KCNT2: variants seen among roughly 807,000 people sequenced by gnomAD.
The protein encoded by KCNT2 is potassium sodium-activated channel subfamily T member 2, also known as potassium channel subfamily T member 2.
Under a neutral mutation model 153.8 loss-of-function variants are expected in KCNT2, and 67 were observed. The ratio of observed to expected loss-of-function variants is 0.44; its 90% CI spans 0.36 to 0.53. The LOEUF (loss-of-function observed/expected upper bound fraction) is 0.53. KCNT2 is among the 20% of genes least tolerant of loss of function. The pLI is 0.00. For synonymous variants in KCNT2, 500 were observed against 458.8 expected (o/e 1.09, Z -1.15); for missense variants, 975 against 1,354.8 (o/e 0.72, Z 4.40).
chr1:196,369,343 AC>A (rs1305960158), intron 14 of KCNT2, among the ~76,000 whole-genome samples: 2 of 151,810 alleles, frequency 1.3e-5, no homozygotes, highest in African/African-American at 4.8e-5. Flanking sequence ...TTATTATTAT[AC>A]TTTAAGTTTT....
intron 1 of KCNT2, among the ~76,000 whole-genome samples, chr1:196,520,921 T>A (rs1160917335): frequency 1.3e-5 from 2 of 152,016 alleles, no homozygotes; most frequent in African/African-American, 2.4e-5. Context: ...CCAAAAGCAA[T>A]CACAACAAAA....
At chr1:196,262,754 C>T (rs1657146555) in intron 25 of KCNT2, among the ~76,000 whole-genome samples, 1 of 151,854 alleles carries the variant, frequency 6.6e-6, no homozygotes, top group South Asian at 2.1e-4. Flanking sequence ...GATGCATTTC[C>T]AAATTAATTT....
At chr1:196,501,353 A>G (rs573508109) in intron 1 of KCNT2, among the ~76,000 whole-genome samples, 38 of 152,336 alleles carry the variant, frequency 2.5e-4, no homozygotes, top group African/African-American at 8.4e-4. Context: ...TGGGGTAGAT[A>G]TAGATACACA....
chr1:196,380,618 C>T lies in KCNT2; in HGVS notation c.1295-7370G>A, dbSNP rs1194920929. 2.0e-5 allele frequency among the ~76,000 whole-genome samples: 3 copies of T among 152,046 alleles called. No individual in the cohort carries two copies. In the East Asian group the frequency reaches 5.8e-4, roughly 29 times the overall value. Reference sequence around the variant, plus strand: ...AAATCAAATATCCTTTGGAAAATGGCTTTTAAATAGAAAAACGAACCAGGG... The same window carrying T: ...AAATCAAATATCCTTTGGAAAATGGTTTTTAAATAGAAAAACGAACCAGGG... On this transcript the variant is annotated intron_variant, in intron 13 of 27. Coordinates refer to ENST00000294725, the MANE Select transcript of KCNT2 (RefSeq NM_198503.5).
intron 21 of KCNT2, among the ~76,000 whole-genome samples, chr1:196,312,368 T>C (rs1662270060): frequency 6.6e-6 from 1 of 151,560 alleles, no homozygotes; most frequent in Non-Finnish European, 1.5e-5. Flanking sequence ...TTTAAAGGCC[T>C]ACTAAGAGTG....
chr1:196,313,293 A>T (rs771565715), intron 21 of KCNT2, among the ~76,000 whole-genome samples: 9 of 151,686 alleles, frequency 5.9e-5, no homozygotes, highest in Non-Finnish European at 1.2e-4. Flanking sequence ...GTTGAATGCT[A>T]GAAACTGAGA....
At chr1:196,356,347 C>T (rs1230562724) in intron 14 of KCNT2, among the ~76,000 whole-genome samples, 6 of 151,662 alleles carry the variant, frequency 4.0e-5, no homozygotes, top group African/African-American at 1.5e-4. Context: ...TTTGTGATCA[C>T]AATGTATTCA....
chr1:196,242,649 T>C (rs1655061165), intron 26 of KCNT2, among the ~76,000 whole-genome samples: 1 of 152,180 alleles, frequency 6.6e-6, no homozygotes, highest in South Asian at 2.1e-4. Context: ...CATTCAGTAA[T>C]GATAACAGCA....
intron 1 of KCNT2, among the ~76,000 whole-genome samples, chr1:196,510,858 A>G (rs1681554820): frequency 6.6e-6 from 1 of 152,194 alleles, no homozygotes; most frequent in African/African-American, 2.4e-5. Context: ...ATCCAACCAG[A>G]GGCATTAGCA....
intron 23 of KCNT2, among the ~76,000 whole-genome samples, chr1:196,284,865 A>G (rs959003731): frequency 6.6e-6 from 1 of 152,222 alleles, no homozygotes; most frequent in African/African-American, 2.4e-5. Flanking sequence ...TCAGTCAAGC[A>G]ATTATAGAAG....
chr1:196,549,609 G>A (rs1657620134), intron 1 of KCNT2, among the ~76,000 whole-genome samples: 1 of 151,806 alleles, frequency 6.6e-6, no homozygotes, highest in Admixed American at 6.6e-5. Context: ...ATCAGAATCT[G>A]TTGGAGTGTT....
At chr1:196,493,357 G>GC (rs973796548) in intron 1 of KCNT2, among the ~76,000 whole-genome samples, 1 of 148,594 alleles carries the variant, frequency 6.7e-6, no homozygotes, top group East Asian at 2.0e-4. Context: ...TTTTGGTTTT[G>GC]TTTTTTTTGC....
At chr1:196,443,212 CAT>C (rs370761755) in intron 8 of KCNT2, among the ~76,000 whole-genome samples, 1 of 151,578 alleles carries the variant, frequency 6.6e-6, no homozygotes, top group East Asian at 2.0e-4. Context: ...TTATTTTGGA[CAT>C]ATTTAGTTTG....
intron 12 of KCNT2, among the ~76,000 whole-genome samples, chr1:196,399,363 T>G (rs1369459584): frequency 6.6e-6 from 1 of 151,740 alleles, no homozygotes; most frequent in African/African-American, 2.4e-5. Flanking sequence ...AAAGGTGCTC[T>G]AGGGTAGCAC....
At chr1:196,276,539 T>A (rs1231702500) in intron 25 of KCNT2, among the ~76,000 whole-genome samples, 2 of 151,998 alleles carry the variant, frequency 1.3e-5, no homozygotes, top group Admixed American at 6.6e-5. Flanking sequence ...TACATCACCA[T>A]CCTATTGATC....
At chr1:196,594,954 G>A (rs1487950240) in intron 1 of KCNT2, among the ~76,000 whole-genome samples, 1 of 152,122 alleles carries the variant, frequency 6.6e-6, no homozygotes, top group East Asian at 1.9e-4. Flanking sequence ...CATACCATAG[G>A]TTTTTAAATG....
chr1:196,468,663 G>C (rs991445516), intron 6 of KCNT2, among the ~76,000 whole-genome samples: 10 of 151,820 alleles, frequency 6.6e-5, no homozygotes, highest in African/African-American at 2.2e-4. Context: ...TTTCCAATTG[G>C]CTTATTTTTT....
intron 8 of KCNT2, among the ~76,000 whole-genome samples, chr1:196,445,859 G>T (rs1012896799): frequency 2.6e-5 from 4 of 151,058 alleles, no homozygotes; most frequent in Non-Finnish European, 5.9e-5. Context: ...TTGCTTATAA[G>T]CTAGTATCAA....
intron 1 of KCNT2, among the ~76,000 whole-genome samples, chr1:196,496,547 C>A (rs1275345144): frequency 6.6e-6 from 1 of 151,894 alleles, no homozygotes; most frequent in East Asian, 1.9e-4. Flanking sequence ...AGTTAGGTTT[C>A]TACTGGCCAC....
Sources: gnomAD v4.1 joint callset for allele counts (sites outside exome capture counted in the v4.1 genomes callset) on GRCh38, gnomAD v4.1.1 for gene constraint, MANE v1.5 for transcripts, NCBI Gene and HGNC (gene_info 2026-07-23, HGNC 2026-07-21) for gene names.